UNC79: variants seen among roughly 807,000 people sequenced by gnomAD.
UNC79 encodes the protein unc-79 subunit of NALCN channel complex, also known as protein unc-79 homolog.
UNC79 carries 37 observed loss-of-function variants against 283.1 expected under a neutral mutation model. The ratio of observed to expected loss-of-function variants is 0.13; its 90% confidence interval spans 0.10 to 0.17. The LOEUF is 0.17. Among genes scored for constraint, UNC79 ranks in the 10% least tolerant of loss-of-function variants. The probability of loss-of-function intolerance (pLI) is 1.00; values close to 1 mark genes in which losing one functional copy is unlikely to be tolerated. For synonymous variants in UNC79, 1,107 were observed against 1,200.2 expected (o/e 0.92, Z 1.61); for missense variants, 2,272 against 3,211.1 (o/e 0.71, Z 7.07).
intron 1 of UNC79, among the ~76,000 whole-genome samples, chr14:93,449,144 T>C (rs1047421488): frequency 6.6e-6 from 1 of 152,208 alleles, no homozygotes; most frequent in South Asian, 2.1e-4. Flanking sequence ...CTCCTAATTT[T>C]GTTGTAGATT....
At chr14:93,588,602 G>A (rs142266522) in intron 22 of UNC79, among the ~76,000 whole-genome samples, 2,625 of 151,916 alleles carry the variant, frequency 0.017, 78 homozygotes, top group African/African-American at 0.06. Context: ...TTAGCTGGGC[G>A]TGGTGGTGGG....
At chr14:93,627,743 G>T (rs955432824) in intron 30 of UNC79, among the ~76,000 whole-genome samples, 10 of 152,228 alleles carry the variant, frequency 6.6e-5, no homozygotes, top group African/African-American at 2.4e-4. Context: ...GATTCAGGGA[G>T]ATATGAAGAA....
Position 93,419,579 on chromosome 14 carries a change from G to A in UNC79, c.-350-48092G>A, listed in dbSNP as rs1000274494. ...GATAGAAACAGCAAAAAGTTAAAAA[G>A]CAGGGGGATGAAGTTAAGGTGTAGA... On this transcript the variant is annotated intron_variant, in intron 1 of 49. Transcript: ENST00000256339. Among the ~76,000 whole-genome samples the A allele has an allele frequency of 4.0e-5, 6 of 151,820 alleles. 2 individuals carry two copies. The highest frequency in any genetic ancestry group is 3.9e-4 in the Admixed American group (6 of 15,238).
chr14:93,376,265 A>T (rs2054556351), intron 1 of UNC79, among the ~76,000 whole-genome samples: 1 of 152,182 alleles, frequency 6.6e-6, no homozygotes. Context: ...GTGTTGAGGG[A>T]ACTAGAGAGA....
chr14:93,592,172 C>CTTTTT (rs557283063), intron 22 of UNC79, among the ~76,000 whole-genome samples: 8 of 124,790 alleles, frequency 6.4e-5, no homozygotes, highest in African/African-American at 9.3e-5. Context: ...ATAACTTTTC[C>CTTTTT]TTTTTTTTTT....
intron 7 of UNC79, among the ~76,000 whole-genome samples, chr14:93,510,752 C>G (rs748066247): frequency 2.0e-5 from 3 of 152,202 alleles, no homozygotes; most frequent in Non-Finnish European, 4.4e-5. Flanking sequence ...AACAATTTAA[C>G]AAGTCTCTAG....
chr14:93,539,862 A>T (rs893182963), intron 12 of UNC79, among the ~76,000 whole-genome samples: 21 of 152,296 alleles, frequency 1.4e-4, no homozygotes, highest in African/African-American at 4.6e-4. Flanking sequence ...CATATTTATC[A>T]TTTGTAGTGG....
chr14:93,459,771 T>C (rs1193948729), intron 1 of UNC79, among the ~76,000 whole-genome samples: 2 of 108,134 alleles, frequency 1.8e-5, no homozygotes, highest in East Asian at 4.5e-4. Flanking sequence ...CTTGGGTTCA[T>C]GCCATTCTCC....
intron 40 of UNC79, among the ~76,000 whole-genome samples, chr14:93,670,948 A>G (rs1023579451): frequency 9.9e-5 from 15 of 152,244 alleles, no homozygotes; most frequent in Non-Finnish European, 1.8e-4. Flanking sequence ...ATATGAATCC[A>G]TTTAACTGTA....
chr14:93,698,875 TA>T (rs2075341785), intron 47 of UNC79, among the ~76,000 whole-genome samples: 1 of 152,236 alleles, frequency 6.6e-6, no homozygotes, highest in African/African-American at 2.4e-5. Context: ...CTGGGTGTTT[TA>T]AATATGTACC....
chr14:93,577,384 G>T (rs1320989643), intron 17 of UNC79, among the ~76,000 whole-genome samples: 1 of 152,192 alleles, frequency 6.6e-6, no homozygotes, highest in African/African-American at 2.4e-5. Flanking sequence ...CAAAAGGTTT[G>T]TCATATATTG....
At chr14:93,684,015 A>G (rs951970488) in intron 42 of UNC79, among the ~76,000 whole-genome samples, 1 of 151,658 alleles carries the variant, frequency 6.6e-6, no homozygotes, top group Admixed American at 6.6e-5. Context: ...TTCCTGCCCT[A>G]TTTGTTTTTT....
intron 19 of UNC79, among the ~76,000 whole-genome samples, chr14:93,581,444 A>G (rs917373387): frequency 1.5e-5 from 2 of 137,660 alleles, no homozygotes; most frequent in African/African-American, 5.3e-5. Context: ...AAGCACTGGG[A>G]TTACAGGCAT....
intron 24 of UNC79, among the ~76,000 whole-genome samples, chr14:93,598,235 C>T (rs926725289): frequency 2.6e-5 from 4 of 152,178 alleles, no homozygotes; most frequent in African/African-American, 7.2e-5. Flanking sequence ...CAGCAATCCT[C>T]CCGCTTTGGC....
intron 15 of UNC79, 68 bp from the exon 16 acceptor site, chr14:93,572,625 C>T (rs956952641): frequency 1.1e-5 from 18 of 1,588,402 alleles, no homozygotes; most frequent in Admixed American, 3.5e-5. Flanking sequence ...GTTAGAAAGA[C>T]GGTGGTGGTA....
chr14:93,361,211 C>CAAAAAAAA (rs58267219), intron 1 of UNC79, among the ~76,000 whole-genome samples: 1 of 54,358 alleles, frequency 1.8e-5, no homozygotes, highest in Non-Finnish European at 3.2e-5. Flanking sequence ...GACTCTGTCT[C>CAAAAAAAA]AAAAAAAAAA....
intron 41 of UNC79, among the ~76,000 whole-genome samples, chr14:93,679,757 A>G (rs2073680716): frequency 1.3e-5 from 2 of 152,348 alleles, no homozygotes; most frequent in South Asian, 4.1e-4. Context: ...TAGTAATGAC[A>G]TATAATAGAT....
intron 26 of UNC79, among the ~76,000 whole-genome samples, chr14:93,612,219 C>A (rs1432579743): frequency 6.6e-6 from 1 of 152,166 alleles, no homozygotes; most frequent in Non-Finnish European, 1.5e-5. Flanking sequence ...TTATAATTTG[C>A]TATTTATAAT....
chr14:93,377,177 C>A (rs1347203274), intron 1 of UNC79, among the ~76,000 whole-genome samples: 1 of 146,392 alleles, frequency 6.8e-6, no homozygotes, highest in African/African-American at 2.5e-5. Flanking sequence ...GCAATCTCCA[C>A]TTCCCAGGTT....
Sources: gnomAD v4.1 joint callset for allele counts (sites outside exome capture counted in the v4.1 genomes callset) on GRCh38, gnomAD v4.1.1 for gene constraint, MANE v1.5 for transcripts, NCBI Gene and HGNC (gene_info 2026-07-23, HGNC 2026-07-21) for gene names.